Variants in CBFA2T2 observed in about 807,000 individuals in gnomAD.
CBFA2T2 encodes the protein protein CBFA2T2.
Under a neutral mutation model 62.2 loss-of-function variants are expected in CBFA2T2, and 11 were observed. The observed-to-expected ratio is 0.18, with a 90% confidence interval of 0.11 to 0.29. The LOEUF is 0.29. CBFA2T2 is among the 10% of genes least tolerant of loss of function. CBFA2T2 has a pLI of 1.00. For synonymous variants in CBFA2T2, 295 were observed against 287.5 expected (o/e 1.03, Z -0.27); for missense variants, 592 against 774.1 (o/e 0.76, Z 2.79).
chr20:33,507,232 G>C (rs2011417769), intron 1 of CBFA2T2, among the ~76,000 whole-genome samples: 1 of 152,144 alleles, frequency 6.6e-6, no homozygotes, highest in Non-Finnish European at 1.5e-5. Flanking sequence ...TGAATTCCTT[G>C]TATCAGATCC....
At chr20:33,508,533 A>G (rs990302908) in intron 1 of CBFA2T2, among the ~76,000 whole-genome samples, 3 of 152,004 alleles carry the variant, frequency 2.0e-5, no homozygotes, top group African/African-American at 7.2e-5. Flanking sequence ...TCACCCAGGT[A>G]TTAGCCTAGT....
intron 1 of CBFA2T2, among the ~76,000 whole-genome samples, chr20:33,493,942 G>A (rs1287670970): frequency 6.6e-6 from 1 of 151,626 alleles, no homozygotes; most frequent in African/African-American, 2.4e-5. Context: ...GGAGTGCAGT[G>A]GTGCGATCTC....
intron 3 of CBFA2T2, among the ~76,000 whole-genome samples, chr20:33,614,342 G>C (rs1177548901): frequency 6.6e-6 from 1 of 152,064 alleles, no homozygotes; most frequent in African/African-American, 2.4e-5. Context: ...ATGTGTCCCT[G>C]TTTGCCATTG....
chr20:33,570,072 A>G (rs1201623998), intron 1 of CBFA2T2, among the ~76,000 whole-genome samples: 1 of 152,140 alleles, frequency 6.6e-6, no homozygotes, highest in African/African-American at 2.4e-5. Flanking sequence ...TGAAGTCAGG[A>G]GTTGGAGACT....
At chr20:33,609,926 T>A (rs1364459049) in intron 2 of CBFA2T2, among the ~76,000 whole-genome samples, 1 of 152,214 alleles carries the variant, frequency 6.6e-6, no homozygotes, top group East Asian at 1.9e-4. Context: ...TGGATATGAT[T>A]AAGTGAAAAC....
intron 1 of CBFA2T2, among the ~76,000 whole-genome samples, chr20:33,594,053 A>T (rs1459963815): frequency 6.6e-6 from 1 of 152,198 alleles, no homozygotes; most frequent in Non-Finnish European, 1.5e-5. Flanking sequence ...ATACTACGTG[A>T]TGAATGGACT....
chr20:33,562,868 T>A (rs1456517485), intron 1 of CBFA2T2, among the ~76,000 whole-genome samples: 1 of 152,246 alleles, frequency 6.6e-6, no homozygotes, highest in Non-Finnish European at 1.5e-5. Flanking sequence ...AACCTTATAT[T>A]TGAATGTCAT....
intron 1 of CBFA2T2, among the ~76,000 whole-genome samples, chr20:33,520,907 C>T (rs867350102): frequency 4.6e-5 from 7 of 151,248 alleles, no homozygotes; most frequent in Middle Eastern, 3.4e-3. Context: ...TACACACGCA[C>T]GCGCACACAC....
chr20:33,598,605 C>T (rs998245947), intron 1 of CBFA2T2, among the ~76,000 whole-genome samples: 4 of 152,066 alleles, frequency 2.6e-5, no homozygotes, highest in African/African-American at 9.7e-5. Flanking sequence ...ACAATTTGTG[C>T]AGTTAATGCA....
intron 1 of CBFA2T2, among the ~76,000 whole-genome samples, chr20:33,544,261 A>G (rs1156624977): frequency 6.6e-6 from 1 of 152,124 alleles, no homozygotes; most frequent in African/African-American, 2.4e-5. Context: ...CTTCAGCCAC[A>G]CTAACTTCTT....
intron 8 of CBFA2T2, among the ~76,000 whole-genome samples, chr20:33,634,869 A>G (rs2016582650): frequency 6.6e-6 from 1 of 152,084 alleles, no homozygotes; most frequent in African/African-American, 2.4e-5. Flanking sequence ...TAAGCCTCTA[A>G]TATTGGAGAC....
chr20:33,541,772 G>T (rs546496133), intron 1 of CBFA2T2, among the ~76,000 whole-genome samples: 1 of 152,016 alleles, frequency 6.6e-6, no homozygotes, highest in Non-Finnish European at 1.5e-5. Context: ...ATAATTTTTG[G>T]TACTTTTTAC....
intron 1 of CBFA2T2, among the ~76,000 whole-genome samples, chr20:33,600,622 C>G (rs2015094137): frequency 6.6e-6 from 1 of 152,158 alleles, no homozygotes; most frequent in African/African-American, 2.4e-5. Flanking sequence ...CTTGGGGGCA[C>G]TATTCAAACT....
At chr20:33,576,620 G>A (rs1488215990) in intron 1 of CBFA2T2, among the ~76,000 whole-genome samples, 3 of 152,228 alleles carry the variant, frequency 2.0e-5, no homozygotes, top group African/African-American at 4.8e-5. Flanking sequence ...AAAGGGTGCT[G>A]CCCAACAGGA....
intron 1 of CBFA2T2, among the ~76,000 whole-genome samples, chr20:33,563,439 C>A (rs910700023): frequency 6.6e-6 from 1 of 152,126 alleles, no homozygotes; most frequent in African/African-American, 2.4e-5. Context: ...AACTTCTAGG[C>A]TCAAGTGATC....
At position 33,531,399 on chromosome 20, in the gene CBFA2T2, T is replaced by C. The variant is rs183706543; in HGVS notation, c.34+41098T>C. Among the ~76,000 whole-genome samples, 141 of 152,360 alleles carry C rather than the reference T, an allele frequency of 9.3e-4. 1 individual carries two copies. The highest frequency in any genetic ancestry group is 4.3e-3 in the Admixed American group (66 of 15,306). On this transcript the variant is annotated intron_variant, in intron 1 of 10. Transcript: ENST00000342704. Reference sequence around the variant, plus strand: ...ATTTAGGCCAGAATCCTACTCACACTGCTGCTGTATATCCTCTTCATCTGT... The same window carrying C: ...ATTTAGGCCAGAATCCTACTCACACCGCTGCTGTATATCCTCTTCATCTGT...
At chr20:33,576,789 T>C (rs545711651) in intron 1 of CBFA2T2, among the ~76,000 whole-genome samples, 1 of 152,388 alleles carries the variant, frequency 6.6e-6, no homozygotes, top group Non-Finnish European at 1.5e-5. Flanking sequence ...ACATCCGTAT[T>C]TCTGCTCACA....
intron 1 of CBFA2T2, chr20:33,574,246 G>A (rs370048085): frequency 3.1e-6 from 5 of 1,613,200 alleles, no homozygotes; most frequent in South Asian, 2.2e-5. Flanking sequence ...ACAGGTCCTG[G>A]CAAGGCAATG....
At chr20:33,577,999 A>G (rs2013907560) in intron 1 of CBFA2T2, among the ~76,000 whole-genome samples, 1 of 152,162 alleles carries the variant, frequency 6.6e-6, no homozygotes, top group African/African-American at 2.4e-5. Context: ...GTCTTGTCCT[A>G]CTCAAATCTT....
Sources: gnomAD v4.1 joint callset for allele counts (sites outside exome capture counted in the v4.1 genomes callset) on GRCh38, gnomAD v4.1.1 for gene constraint, MANE v1.5 for transcripts, NCBI Gene and HGNC (gene_info 2026-07-23, HGNC 2026-07-21) for gene names.